Variants in PTPN4 observed in about 807,000 individuals in gnomAD.
PTPN4 encodes tyrosine-protein phosphatase non-receptor type 4.
A neutral mutation model predicts 135.5 loss-of-function variants in PTPN4; 49 were observed. The ratio of observed to expected loss-of-function variants is 0.36; its 90% CI spans 0.29 to 0.46. The LOEUF is 0.46. Among genes scored for constraint, PTPN4 ranks in the 20% least tolerant of loss-of-function variants. The pLI is 1.00. For synonymous variants in PTPN4, 333 were observed against 369.9 expected (o/e 0.90, Z 1.14); for missense variants, 860 against 1,101.0 (o/e 0.78, Z 3.10).
rs1001869886 is a variant in PTPN4, at chr2:119,770,614, T to A, written c.-18+10230T>A. 5.3e-5 allele frequency among the ~76,000 whole-genome samples: 8 copies of A among 152,334 alleles called. No homozygotes were observed. The South Asian group carries it at 1.7e-3, about 32-fold the overall frequency. ...TATTAATGCTTTGTACCATAATTTTTAAATTTAAAATATACCTTGGAGATC... is the reference window on the plus strand; with the variant it reads ...TATTAATGCTTTGTACCATAATTTTAAAATTTAAAATATACCTTGGAGATC... On this transcript the variant is annotated intron_variant, in intron 1 of 26. Coordinates refer to ENST00000263708, the MANE Select transcript of PTPN4 (RefSeq NM_002830.4).
intron 1 of PTPN4, among the ~76,000 whole-genome samples, chr2:119,773,291 G>A (rs1690768358): frequency 6.6e-6 from 1 of 152,024 alleles, no homozygotes; most frequent in African/African-American, 2.4e-5. Context: ...TACAGCTGAT[G>A]TTTGAACAAC....
chr2:119,888,232 C>G (rs144149214), intron 9 of PTPN4, among the ~76,000 whole-genome samples: 152 of 152,100 alleles, frequency 1.0e-3, no homozygotes, highest in African/African-American at 3.4e-3. Context: ...TTTATGAAAT[C>G]TAAGCATTTT....
At chr2:119,915,344 A>G (rs1678637838) in intron 11 of PTPN4, 102 bp downstream of exon 11, 1 of 947,414 alleles carries the variant, frequency 1.1e-6, no homozygotes, top group Admixed American at 3.3e-5. Context: ...AAGTGCAATT[A>G]ATACTGTGGA....
Position 119,843,626 on chromosome 2 carries a change from C to A in PTPN4, c.139-18910C>A, listed in dbSNP as rs561451220. On this transcript the variant is annotated intron_variant, in intron 2 of 26. Transcript: ENST00000263708. ...GGCTGGCCGGGCAGGGGGGCTGACCCCCCCCACCTTCCCTCCCGGACGGGG... is the reference window on the plus strand; with the variant it reads ...GGCTGGCCGGGCAGGGGGGCTGACCACCCCCACCTTCCCTCCCGGACGGGG... 4.4e-5 allele frequency among the ~76,000 whole-genome samples: 4 copies of A among 90,982 alleles called. 1 individual carries two copies. The highest frequency in any genetic ancestry group is 2.0e-4 in the Admixed American group (2 of 10,096). The allele number at this position is 90,982 out of a possible 152,430, so 59.7% of individuals were successfully genotyped here. A position where few individuals can be genotyped will look rare whatever the true frequency, so the allele number is the denominator to read the frequency against.
At position 119,769,584 on chromosome 2, in the gene PTPN4, A is replaced by G. The variant is rs961856830; in HGVS notation, c.-18+9200A>G. 7.9e-5 allele frequency among the ~76,000 whole-genome samples: 12 copies of G among 152,258 alleles called. No homozygotes were observed. In the East Asian group the frequency reaches 2.1e-3, roughly 27 times the overall value. On this transcript the variant is annotated intron_variant, in intron 1 of 26. Coordinates refer to ENST00000263708, the MANE Select transcript of PTPN4 (RefSeq NM_002830.4). ...AAACTAAATTGAGGAAACCAAGTGTACAATGAATATAGATGAGACAGCTCT... is the reference window on the plus strand; with the variant it reads ...AAACTAAATTGAGGAAACCAAGTGTGCAATGAATATAGATGAGACAGCTCT...
intron 14 of PTPN4, 72 bp from the exon 15 acceptor site, chr2:119,934,728 C>G: frequency 6.9e-7 from 1 of 1,459,392 alleles, no homozygotes; most frequent in South Asian, 1.2e-5. Flanking sequence ...TCTGATGTAA[C>G]CATATATTAA....
In PTPN4 at chr2:119,951,291, A is replaced by G. The variant is rs532479560; in HGVS notation, c.1657-682A>G. On this transcript the variant is annotated intron_variant, in intron 18 of 26. Transcript: ENST00000263708. The stretch of plus-strand genomic sequence containing the variant: ...AGTGTTAACATTCCCATGGTCATCT[A>G]TTGCTTCTCTGACTCTATTTATGGT... 1.0e-3 allele frequency among the ~76,000 whole-genome samples: 156 copies of G among 152,254 alleles called. 1 individual carries two copies. The highest frequency in any genetic ancestry group is 3.6e-3 in the African/African-American group (151 of 41,550).
chr2:119,970,667 A>G (rs764073139), intron 26 of PTPN4, among the ~76,000 whole-genome samples: 38 of 152,142 alleles, frequency 2.5e-4, no homozygotes, highest in Admixed American at 4.6e-4. Flanking sequence ...ATAATATTTC[A>G]TTGTGTATAT....
intron 2 of PTPN4, among the ~76,000 whole-genome samples, chr2:119,839,016 A>G (rs1026172313): frequency 1.3e-5 from 2 of 152,056 alleles, no homozygotes; most frequent in Non-Finnish European, 2.9e-5. Flanking sequence ...TGCCTGAAAT[A>G]CCCGCCTCCA....
At chr2:119,774,526 C>T (rs1391424194) in intron 1 of PTPN4, among the ~76,000 whole-genome samples, 1 of 152,048 alleles carries the variant, frequency 6.6e-6, no homozygotes, top group African/African-American at 2.4e-5. Flanking sequence ...TAGAAAGGCA[C>T]ACGTATAGAC....
At chr2:119,848,652 T>C (rs1677543460) in intron 2 of PTPN4, among the ~76,000 whole-genome samples, 1 of 151,416 alleles carries the variant, frequency 6.6e-6, no homozygotes, top group Admixed American at 6.6e-5. Flanking sequence ...CCAGGCTGGA[T>C]TGCAGTGATG....
intron 12 of PTPN4, among the ~76,000 whole-genome samples, chr2:119,922,840 A>C (rs1004295567): frequency 6.6e-6 from 1 of 152,240 alleles, no homozygotes; most frequent in African/African-American, 2.4e-5. Context: ...CAAATTCTTT[A>C]ATAGATAAGG....
chr2:119,894,810 ATATT>A (rs1405615018), intron 9 of PTPN4, among the ~76,000 whole-genome samples: 5 of 152,216 alleles, frequency 3.3e-5, no homozygotes, highest in African/African-American at 1.2e-4. Context: ...TAGGTGATCA[ATATT>A]ATGCACTTGT....
intron 1 of PTPN4, among the ~76,000 whole-genome samples, chr2:119,781,612 C>G (rs987391943): frequency 3.3e-5 from 5 of 152,154 alleles, no homozygotes; most frequent in Non-Finnish European, 7.4e-5. Context: ...TGGGTCAAAT[C>G]TGACCACCAC....
intron 2 of PTPN4, among the ~76,000 whole-genome samples, chr2:119,830,694 C>G (rs1028795950): frequency 6.6e-6 from 1 of 152,128 alleles, no homozygotes; most frequent in Non-Finnish European, 1.5e-5. Context: ...TCTCGAGCTC[C>G]TGACCTCAAG....
chr2:119,814,720 C>T (rs367975751), intron 2 of PTPN4, among the ~76,000 whole-genome samples: 222 of 152,246 alleles, frequency 1.5e-3, no homozygotes, highest in African/African-American at 4.7e-3. Context: ...GTTCAGCCTT[C>T]CTCATTTTTA....
At chr2:119,768,675 C>T (rs1479327705) in intron 1 of PTPN4, among the ~76,000 whole-genome samples, 37 of 152,156 alleles carry the variant, frequency 2.4e-4, no homozygotes, top group Non-Finnish European at 4.4e-5. Flanking sequence ...TTGTATGTGC[C>T]AGTCTTCCGA....
chr2:119,966,276 T>TC (rs1679444600), intron 25 of PTPN4, among the ~76,000 whole-genome samples: 2 of 152,288 alleles, frequency 1.3e-5, no homozygotes, highest in South Asian at 4.2e-4. Context: ...TTCTTTTTTT[T>TC]CAGTCGGAGT....
chr2:119,781,731 A>G (rs1690944086), intron 1 of PTPN4, among the ~76,000 whole-genome samples: 1 of 152,194 alleles, frequency 6.6e-6, no homozygotes, highest in Non-Finnish European at 1.5e-5. Flanking sequence ...TCAGACTTCA[A>G]TATCTGAATT....
Sources: allele counts gnomAD v4.1 joint callset (sites outside exome capture counted in the v4.1 genomes callset), GRCh38; gene constraint gnomAD v4.1.1; transcripts MANE v1.5; gene names NCBI Gene and HGNC (gene_info 2026-07-23, HGNC 2026-07-21).